MTUS1: variants seen among roughly 807,000 people sequenced by gnomAD.
MTUS1 encodes microtubule associated scaffold protein 1.
MTUS1 carries 109 observed loss-of-function variants against 120.8 expected under a neutral mutation model. The ratio of observed to expected loss-of-function variants is 0.90; its 90% CI spans 0.77 to 1.06. The LOEUF (loss-of-function observed/expected upper bound fraction) is 1.06, where lower values mean the gene tolerates loss of function less well. MTUS1 is among the 50% of genes least tolerant of loss of function. The pLI is 0.00. For synonymous variants in MTUS1, 737 were observed against 550.5 expected, an observed-to-expected ratio of 1.34 and a Z score of -4.74; for missense variants, 2,210 against 1,486.3, an observed-to-expected ratio of 1.49 and a Z score of -8.01.
intron 1 of MTUS1, among the ~76,000 whole-genome samples, chr8:17,760,763 T>C (rs1240764222): frequency 2.1e-5 from 3 of 142,602 alleles, no homozygotes; most frequent in Non-Finnish European, 4.6e-5. Context: ...TTAAACAAGA[T>C]GCAGAAAGTT....
intron 2 of MTUS1, among the ~76,000 whole-genome samples, chr8:17,744,394 T>C (rs917442544): frequency 1.3e-5 from 2 of 152,310 alleles, no homozygotes; most frequent in African/African-American, 4.8e-5. Context: ...GAGACACTCC[T>C]TTCTATTGAT....
chr8:17,773,690 T>C (rs914242735), intron 1 of MTUS1, among the ~76,000 whole-genome samples: 1 of 152,176 alleles, frequency 6.6e-6, no homozygotes, highest in Non-Finnish European at 1.5e-5. Context: ...CCACACCTGA[T>C]GAAATTATCT....
intron 1 of MTUS1, among the ~76,000 whole-genome samples, chr8:17,760,512 G>T (rs1032937203): frequency 6.6e-6 from 1 of 152,088 alleles, no homozygotes; most frequent in Admixed American, 6.6e-5. Context: ...ACAAAGCCAA[G>T]GACAGAAAAG....
chr8:17,780,525 A>G (rs7460414), intron 1 of MTUS1, among the ~76,000 whole-genome samples: 46,247 of 152,046 alleles, frequency 0.3, 9,445 homozygotes, highest in African/African-American at 0.55. Flanking sequence ...CACCATGAAT[A>G]TACCTCAAGC....
chr8:17,669,852 CAAAAA>C (rs56711683), intron 8 of MTUS1, among the ~76,000 whole-genome samples: 1 of 151,558 alleles, frequency 6.6e-6, no homozygotes, highest in Non-Finnish European at 1.5e-5. Context: ...TTCTAAAAAA[CAAAAA>C]AAACAAAATG....
At chr8:17,651,080 G>C (rs76219980) in intron 12 of MTUS1, among the ~76,000 whole-genome samples, 7,846 of 152,210 alleles carry the variant, frequency 0.052, 723 homozygotes, top group African/African-American at 0.18. Flanking sequence ...ACTCAGGAAA[G>C]ATCAGGAAAG....
intron 6 of MTUS1, among the ~76,000 whole-genome samples, chr8:17,701,941 T>G (rs73200170): frequency 0.015 from 2,247 of 152,316 alleles, 26 homozygotes; most frequent in Non-Finnish European, 0.024. Context: ...TTATTAAACT[T>G]AAAAATTTCA....
intron 14 of MTUS1, among the ~76,000 whole-genome samples, chr8:17,646,361 G>T (rs1805792119): frequency 6.6e-6 from 1 of 152,144 alleles, no homozygotes; most frequent in Admixed American, 6.5e-5. Flanking sequence ...GCCAAGGTGG[G>T]TGGATAACTT....
chr8:17,714,302 C>G (rs1410907830), intron 5 of MTUS1, among the ~76,000 whole-genome samples: 1 of 152,050 alleles, frequency 6.6e-6, no homozygotes, highest in African/African-American at 2.4e-5. Flanking sequence ...CCTCAAGGTA[C>G]CATATTATCC....
chr8:17,699,617 A>G (rs1818639874), intron 6 of MTUS1, among the ~76,000 whole-genome samples: 2 of 152,246 alleles, frequency 1.3e-5, no homozygotes, highest in South Asian at 4.1e-4. Context: ...TACTTGAATT[A>G]CATTAAGCTA....
chr8:17,652,514 G>A (rs1268856090), intron 12 of MTUS1, among the ~76,000 whole-genome samples: 24 of 152,062 alleles, frequency 1.6e-4, no homozygotes, highest in African/African-American at 5.6e-4. Context: ...GGGAGTGACT[G>A]CTAATGGGTC....
At chr8:17,724,197 C>T (rs188432374) in intron 3 of MTUS1, 79 of 434,914 alleles carry the variant, frequency 1.8e-4, no homozygotes, top group South Asian at 1.1e-3. Context: ...GATACGACCC[C>T]CCATACTGGT....
At chr8:17,737,618 G>T (rs531144175) in intron 3 of MTUS1, among the ~76,000 whole-genome samples, 16 of 152,236 alleles carry the variant, frequency 1.1e-4, no homozygotes, top group Admixed American at 9.8e-4. Flanking sequence ...CTCCTGAGTA[G>T]CAAGGACCAC....
intron 3 of MTUS1, among the ~76,000 whole-genome samples, chr8:17,736,024 C>T (rs1482922080): frequency 1.3e-5 from 2 of 152,170 alleles, no homozygotes; most frequent in African/African-American, 4.8e-5. Context: ...CAGTAAGCTC[C>T]TTAAGAGGGC....
At chr8:17,722,285 T>G (rs1198098435) in intron 4 of MTUS1, 3 of 982,420 alleles carry the variant, frequency 3.1e-6, no homozygotes, top group Non-Finnish European at 3.6e-6. Context: ...CTACAGACTG[T>G]GTCTGCTTCA....
rs565294747 is a variant in MTUS1 at position 17,715,206 on chromosome 8, C to CA, written c.2584+560dup. Among the ~76,000 whole-genome samples the CA allele has an allele frequency of 7.9e-4, 120 of 152,106 alleles. 1 individual carries two copies. The highest frequency in any genetic ancestry group is 2.6e-3 in the African/African-American group (108 of 41,520). ...CAGGCGTGAGCCACCGCATGTGGCA[C>CA]AAAGAAGGCTTCTGATGTGCTTTGG... On this transcript the variant is annotated intron_variant, in intron 5 of 14. Coordinates refer to ENST00000693296, the MANE Select transcript of MTUS1 (RefSeq NM_001363059.2).
chr8:17,750,949 T>A (rs2048141531), intron 2 of MTUS1, among the ~76,000 whole-genome samples: 1 of 152,166 alleles, frequency 6.6e-6, no homozygotes, highest in African/African-American at 2.4e-5. Flanking sequence ...CAATGAGCTG[T>A]GAGGTTGCAG....
chr8:17,684,085 T>G (rs1214087854), intron 7 of MTUS1, among the ~76,000 whole-genome samples: 2 of 152,206 alleles, frequency 1.3e-5, no homozygotes, highest in Non-Finnish European at 2.9e-5. Flanking sequence ...TTATGTTTTT[T>G]GCTGTTGCCA....
At chr8:17,726,094 C>G (rs1426294907) in intron 3 of MTUS1, among the ~76,000 whole-genome samples, 1 of 152,140 alleles carries the variant, frequency 6.6e-6, no homozygotes, top group Non-Finnish European at 1.5e-5. Context: ...GACTGAACGG[C>G]CTCCTTTCTA....
Sources: allele counts gnomAD v4.1 joint callset (sites outside exome capture counted in the v4.1 genomes callset), GRCh38; gene constraint gnomAD v4.1.1; transcripts MANE v1.5; gene names NCBI Gene and HGNC (gene_info 2026-07-23, HGNC 2026-07-21).